The following ZFAND6 variants were observed in gnomAD, a reference collection of about 807,000 sequenced individuals.
ZFAND6 encodes zinc finger AN1-type containing 6.
A neutral mutation model predicts 24.5 loss-of-function variants in ZFAND6; 12 were observed. The ratio of observed to expected loss-of-function variants is 0.49; its 90% CI spans 0.31 to 0.79. The LOEUF (loss-of-function observed/expected upper bound fraction) is 0.79. Ranked by LOEUF, ZFAND6 falls within the 30% of genes least tolerant of loss-of-function variation. ZFAND6 has a pLI of 0.04. For missense variants in ZFAND6, 207 were observed against 245.9 expected, an observed-to-expected ratio of 0.84 and a Z score of 1.06; for synonymous variants, 92 against 81.5, an observed-to-expected ratio of 1.13 and a Z score of -0.69.
At chr15:80,101,810 T>G (rs1453918582) in intron 2 of ZFAND6, among the ~76,000 whole-genome samples, 3 of 146,040 alleles carry the variant, frequency 2.1e-5, no homozygotes, top group Non-Finnish European at 4.5e-5. Context: ...TTTTTTTTTT[T>G]GAGACGGAGT....
At chr15:80,090,963 C>G (rs767943767) in intron 1 of ZFAND6, among the ~76,000 whole-genome samples, 1 of 152,126 alleles carries the variant, frequency 6.6e-6, no homozygotes, top group Non-Finnish European at 1.5e-5. Flanking sequence ...GCCTCTTTGC[C>G]GCAACCCACT....
chr15:80,110,642 G>A (rs925859455), intron 2 of ZFAND6, among the ~76,000 whole-genome samples: 4 of 151,914 alleles, frequency 2.6e-5, no homozygotes, highest in Non-Finnish European at 4.4e-5. Flanking sequence ...GAATAGGATA[G>A]AGAAATAAAC....
At chr15:80,067,080 A>G (rs2141797083) in intron 1 of ZFAND6, among the ~76,000 whole-genome samples, 1 of 152,286 alleles carries the variant, frequency 6.6e-6, no homozygotes, top group South Asian at 2.1e-4. Context: ...TACATATGCA[A>G]AGTGCTTGAC....
At chr15:80,100,130 A>G (rs1050044349) in intron 2 of ZFAND6, among the ~76,000 whole-genome samples, 1 of 152,204 alleles carries the variant, frequency 6.6e-6, no homozygotes, top group African/African-American at 2.4e-5. Context: ...ATAAATATTT[A>G]TAATCTTGTT....
At chr15:80,120,550 A>T (rs756707579) in intron 3 of ZFAND6, 52 bp downstream of exon 3, 4 of 1,386,044 alleles carry the variant, frequency 2.9e-6, no homozygotes, top group East Asian at 5.1e-5. Context: ...ATACAAGTGG[A>T]TATTTCGGTA....
intron 2 of ZFAND6, among the ~76,000 whole-genome samples, chr15:80,106,908 T>G (rs1292505945): frequency 3.3e-5 from 5 of 152,132 alleles, no homozygotes; most frequent in Non-Finnish European, 4.4e-5. Flanking sequence ...TGAAGTGTAA[T>G]CAGAATCAAG....
chr15:80,136,779 C>T (rs1487176339), intron 6 of ZFAND6, among the ~76,000 whole-genome samples: 2 of 152,218 alleles, frequency 1.3e-5, no homozygotes, highest in Non-Finnish European at 2.9e-5. Flanking sequence ...GCACCCATTA[C>T]ATCTCGATTT....
intron 2 of ZFAND6, among the ~76,000 whole-genome samples, chr15:80,112,524 A>G (rs890542489): frequency 1.3e-5 from 2 of 151,860 alleles, no homozygotes; most frequent in Non-Finnish European, 2.9e-5. Flanking sequence ...CAGTCTCCTG[A>G]GTAGCTGGGA....
intron 1 of ZFAND6, among the ~76,000 whole-genome samples, chr15:80,084,398 C>A (rs879453400): frequency 4.6e-5 from 7 of 152,060 alleles, no homozygotes; most frequent in African/African-American, 1.7e-4. Flanking sequence ...TTCCAAAATA[C>A]AAAAAAATTT....
intron 2 of ZFAND6, among the ~76,000 whole-genome samples, chr15:80,099,618 C>CTTTTTTG (rs2038922954): frequency 9.2e-6 from 1 of 109,194 alleles, no homozygotes; most frequent in Non-Finnish European, 1.8e-5. Context: ...TATGGATATC[C>CTTTTTTG]TTTTTTTTTT....
intron 5 of ZFAND6, chr15:80,130,618 C>T (rs1392912620): frequency 6.6e-6 from 1 of 152,216 alleles, no homozygotes; most frequent in Non-Finnish European, 1.5e-5. Context: ...TACATAAATG[C>T]ATCAACTTAT....
intron 1 of ZFAND6, among the ~76,000 whole-genome samples, chr15:80,095,454 A>C (rs1016554761): frequency 6.6e-6 from 1 of 152,218 alleles, no homozygotes; most frequent in African/African-American, 2.4e-5. Flanking sequence ...TCTGTAATAC[A>C]TAATTTGTGG....
At chr15:80,064,660 A>G (rs2141780884) in intron 1 of ZFAND6, among the ~76,000 whole-genome samples, 1 of 152,192 alleles carries the variant, frequency 6.6e-6, no homozygotes, top group South Asian at 2.1e-4. Context: ...ATGTTTTTTG[A>G]GACACGGTCT....
intron 1 of ZFAND6, among the ~76,000 whole-genome samples, chr15:80,068,592 G>A (rs1326745485): frequency 1.3e-5 from 2 of 152,150 alleles, no homozygotes; most frequent in African/African-American, 2.4e-5. Flanking sequence ...GGCTGGTCTC[G>A]AACACCTGAC....
At chr15:80,097,780 T>C (rs1190759665) in intron 1 of ZFAND6, among the ~76,000 whole-genome samples, 1 of 152,200 alleles carries the variant, frequency 6.6e-6, no homozygotes, top group African/African-American at 2.4e-5. Context: ...TAATTGTAGT[T>C]CTTAATTTAC....
At chr15:80,079,998 CTTTCTTTTTTT>C (rs1038366851) in intron 1 of ZFAND6, among the ~76,000 whole-genome samples, 28 of 150,680 alleles carry the variant, frequency 1.9e-4, no homozygotes, top group African/African-American at 6.6e-4. Context: ...TTTTTTTTCC[CTTTCTTTTTTT>C]TTTCTTTGAG....
At chr15:80,117,066 T>G (rs2039908846) in intron 2 of ZFAND6, among the ~76,000 whole-genome samples, 1 of 152,220 alleles carries the variant, frequency 6.6e-6, no homozygotes, top group African/African-American at 2.4e-5. Context: ...ACTAATCACA[T>G]TTAATTAATA....
At chr15:80,076,454 T>C (rs893960870) in intron 1 of ZFAND6, among the ~76,000 whole-genome samples, 1 of 152,160 alleles carries the variant, frequency 6.6e-6, no homozygotes, top group Non-Finnish European at 1.5e-5. Flanking sequence ...ACCCCCCTAA[T>C]TGATCTTCAT....
chr15:80,118,314 G>T (rs777150281), intron 2 of ZFAND6, among the ~76,000 whole-genome samples: 10 of 104,840 alleles, frequency 9.5e-5, no homozygotes, highest in African/African-American at 2.8e-4. Context: ...TAGTAGAGAT[G>T]GGGTTTCACC....
Sources: gnomAD v4.1 joint callset for allele counts (sites outside exome capture counted in the v4.1 genomes callset) on GRCh38, gnomAD v4.1.1 for gene constraint, MANE v1.5 for transcripts, NCBI Gene and HGNC (gene_info 2026-07-23, HGNC 2026-07-21) for gene names.